COL12A1: variants seen among roughly 807,000 people sequenced by gnomAD.
The protein encoded by COL12A1 is collagen type XII alpha 1 chain, also known as collagen alpha-1(XII) chain.
COL12A1 carries 114 observed loss-of-function variants against 349.7 expected under a neutral mutation model. That is an observed-to-expected ratio of 0.33 (90% CI 0.28 to 0.38). The LOEUF (loss-of-function observed/expected upper bound fraction) is 0.38. Among genes scored for constraint, COL12A1 ranks in the 10% least tolerant of loss-of-function variants. The probability of loss-of-function intolerance (pLI) is 1.00; values close to 1 mark genes in which losing one functional copy is unlikely to be tolerated. For synonymous variants in COL12A1, 1,369 were observed against 1,329.0 expected, an observed-to-expected ratio of 1.03 and a Z score of -0.66; for missense variants, 3,284 against 3,756.9, an observed-to-expected ratio of 0.87 and a Z score of 3.29.
At chr6:75,137,105 G>A (rs1319910611) in intron 31 of COL12A1, among the ~76,000 whole-genome samples, 1 of 152,096 alleles carries the variant, frequency 6.6e-6, no homozygotes, top group African/African-American at 2.4e-5. Flanking sequence ...AGGAATGGAA[G>A]GTCAACATAG....
chr6:75,105,089 C>T, intron 54 of COL12A1, 117 bp downstream of exon 54: 1 of 746,758 alleles, frequency 1.3e-6, no homozygotes. Context: ...ATTTAGCTTG[C>T]TCTATCCTAG....
chr6:75,174,944 A>G, intron 13 of COL12A1, 94 bp downstream of exon 13: 1 of 1,343,384 alleles, frequency 7.4e-7, no homozygotes, highest in Non-Finnish European at 1.0e-6. Context: ...AGGATTGCAC[A>G]CTTCTAGATT....
At chr6:75,120,295 G>A (rs936851308) in intron 44 of COL12A1, among the ~76,000 whole-genome samples, 1 of 152,116 alleles carries the variant, frequency 6.6e-6, no homozygotes, top group Non-Finnish European at 1.5e-5. Flanking sequence ...ATGTCCAGAG[G>A]ATTATTTGAG....
chr6:75,113,562 A>G, intron 50 of COL12A1, 40 bp downstream of exon 50: 1 of 1,553,852 alleles, frequency 6.4e-7, no homozygotes, highest in Non-Finnish European at 8.7e-7. Flanking sequence ...AAACATAATC[A>G]AAACTAAGTA....
chr6:75,141,150 A>G (rs921624337), intron 27 of COL12A1, among the ~76,000 whole-genome samples: 2 of 152,200 alleles, frequency 1.3e-5, no homozygotes, highest in Non-Finnish European at 2.9e-5. Context: ...AAAACTACAT[A>G]TAAAACTCCC....
chr6:75,102,132 A>C lies in COL12A1; in HGVS notation c.8416-80T>G, dbSNP rs897974107. 2.6e-5 allele frequency: 35 copies of C among 1,324,246 alleles called. No individual in the cohort carries two copies. The African/African-American group carries it at 4.8e-4, about 18-fold the overall frequency. The allele number at this position is 1,324,246 out of a possible 1,614,324, so 82.0% of individuals were successfully genotyped here. A position where few individuals can be genotyped will look rare whatever the true frequency, so the allele number is the denominator to read the frequency against. On this transcript the variant is annotated intron_variant, in intron 56 of 65. Transcript: ENST00000322507. ...AAAGGAAGACATGAGTCACTTATGA[A>C]ATCTTCATCACTTCATAAATCCAGT...
intron 14 of COL12A1, among the ~76,000 whole-genome samples, 196 bp from the exon 15 acceptor site, chr6:75,156,719 G>A (rs973912430): frequency 4.6e-5 from 7 of 152,076 alleles, no homozygotes; most frequent in African/African-American, 9.7e-5. Context: ...AGATGTTTTC[G>A]TTTTATCTAG....
chr6:75,166,791 T>C (rs1417465596), intron 13 of COL12A1, among the ~76,000 whole-genome samples: 1 of 152,156 alleles, frequency 6.6e-6, no homozygotes, highest in African/African-American at 2.4e-5. Flanking sequence ...ATGAATATCT[T>C]AAACGCAGTC....
chr6:75,195,545 T>C (rs760692312), intron 2 of COL12A1, among the ~76,000 whole-genome samples: 1 of 152,132 alleles, frequency 6.6e-6, no homozygotes, highest in Non-Finnish European at 1.5e-5. Flanking sequence ...TAAGGAATCA[T>C]GGGAAAGTTA....
At chr6:75,162,027 C>A (rs945283489) in intron 14 of COL12A1, among the ~76,000 whole-genome samples, 3 of 152,140 alleles carry the variant, frequency 2.0e-5, no homozygotes, top group Admixed American at 6.5e-5. Context: ...GAAAAACATT[C>A]CATGCTTGTA....
At position 75,191,576 on chromosome 6, in the gene COL12A1, C is replaced by T. The variant is rs743003; in HGVS notation, c.394+125G>A. 451,107 of 503,044 alleles carry T rather than the reference C, an allele frequency of 0.9. 203,890 individuals carry two copies. The highest frequency in any genetic ancestry group is 0.93 in the Non-Finnish European group (277,689 of 299,268). 31.2% of individuals were successfully genotyped at this position (503,044 alleles called of 1,614,324 possible). On this transcript the variant is annotated intron_variant, in intron 5 of 65. Coordinates refer to ENST00000322507, the MANE Select transcript of COL12A1 (RefSeq NM_004370.6). ...ATTCTTATATTGTCTGTGCTCCTTC[C>T]AGATAAAGCTTATATAAATTAATAT...
chr6:75,166,615 A>G (rs1001842595), intron 13 of COL12A1, among the ~76,000 whole-genome samples: 41 of 152,192 alleles, frequency 2.7e-4, no homozygotes, highest in African/African-American at 8.7e-4. Context: ...GTCACTTTAT[A>G]TTGTCTACCT....
chr6:75,124,092 T>A lies in COL12A1; in HGVS notation c.6727A>T (p.Thr2243Ser), dbSNP rs1765889713. The A allele has an allele frequency of 6.2e-7, 1 of 1,612,358 alleles. No homozygotes were observed. The highest frequency in any genetic ancestry group is 1.1e-5 in the South Asian group (1 of 90,956). ...CGCACTGTAATTTCTTGTCCCCTTG[T>A]TCCTGATTATGACAACAAAGGAAAA... Reference protein sequence around the residue: ...YRLKLSPADGTRGQEITVRGS... With the variant: ...YRLKLSPADGSRGQEITVRGS... The change falls in exon 42 of 66, where the codon ACA becomes TCA. Residue 2243 changes from threonine to serine, a missense_variant and splice_region_variant. Physicochemically the swap from Thr to Ser is moderately conservative, Grantham distance 58. Coordinates refer to ENST00000322507, the MANE Select transcript of COL12A1 (RefSeq NM_004370.6).
intron 13 of COL12A1, among the ~76,000 whole-genome samples, chr6:75,174,545 G>C (rs2149450922): frequency 6.6e-6 from 1 of 152,152 alleles, no homozygotes; most frequent in Non-Finnish European, 1.5e-5. Flanking sequence ...GAAAGAGCGA[G>C]ACTCTGTCTC....
intron 13 of COL12A1, among the ~76,000 whole-genome samples, chr6:75,174,318 T>A (rs910238740): frequency 9.9e-5 from 15 of 152,070 alleles, no homozygotes; most frequent in Non-Finnish European, 1.8e-4. Context: ...AGCATTTTGG[T>A]GGCCGAGGCG....
chr6:75,118,989 A>C (rs1202016219), intron 46 of COL12A1, 54 bp downstream of exon 46: 2 of 1,608,616 alleles, frequency 1.2e-6, no homozygotes, highest in South Asian at 2.2e-5. Flanking sequence ...ATCATTTGTG[A>C]ACATTTAAAA....
intron 13 of COL12A1, among the ~76,000 whole-genome samples, chr6:75,168,328 T>C (rs1228470774): frequency 6.6e-6 from 1 of 152,242 alleles, no homozygotes; most frequent in Non-Finnish European, 1.5e-5. Flanking sequence ...TGTATAGCCC[T>C]TGAATTTTTA....
intron 3 of COL12A1, among the ~76,000 whole-genome samples, chr6:75,193,780 A>T (rs1041314818): frequency 1.6e-4 from 24 of 149,258 alleles, no homozygotes; most frequent in Admixed American, 1.5e-3. Flanking sequence ...CCTGTGTCCA[A>T]GTGTTCTCAT....
At chr6:75,130,573 G>A (rs550628127) in intron 36 of COL12A1, among the ~76,000 whole-genome samples, 37 of 152,196 alleles carry the variant, frequency 2.4e-4, no homozygotes, top group African/African-American at 7.9e-4. Flanking sequence ...TCACTGCAGA[G>A]TAGAAAGAGG....
Sources: allele counts gnomAD v4.1 joint callset (sites outside exome capture counted in the v4.1 genomes callset), GRCh38; gene constraint gnomAD v4.1.1; transcripts MANE v1.5; gene names NCBI Gene and HGNC (gene_info 2026-07-23, HGNC 2026-07-21).